CDH4: variants seen among roughly 807,000 people sequenced by gnomAD.
CDH4 encodes cadherin 4.
Under a neutral mutation model 86.0 loss-of-function variants are expected in CDH4, and 33 were observed. The observed-to-expected ratio is 0.38, with a 90% CI of 0.29 to 0.51. CDH4 has a LOEUF of 0.51. Among genes scored for constraint, CDH4 ranks in the 20% least tolerant of loss-of-function variants. CDH4 has a pLI of 0.86. For missense variants in CDH4, 1,114 were observed against 1,307.4 expected, an observed-to-expected ratio of 0.85 and a Z score of 2.28; for synonymous variants, 555 against 549.4, an observed-to-expected ratio of 1.01 and a Z score of -0.14.
chr20:61,312,093 T>C (rs1488534733), intron 2 of CDH4, among the ~76,000 whole-genome samples: 1 of 151,158 alleles, frequency 6.6e-6, no homozygotes, highest in African/African-American at 2.4e-5. Flanking sequence ...TATATGTATG[T>C]GCATGTGTGT....
chr20:61,909,836 T>C (rs2054829919), intron 8 of CDH4, among the ~76,000 whole-genome samples: 1 of 152,200 alleles, frequency 6.6e-6, no homozygotes, highest in African/African-American at 2.4e-5. Context: ...TGTGGCCATA[T>C]CTTCGGGGAC....
At chr20:61,912,826 G>A (rs1293553107) in intron 9 of CDH4, among the ~76,000 whole-genome samples, 1 of 152,230 alleles carries the variant, frequency 6.6e-6, no homozygotes, top group Non-Finnish European at 1.5e-5. Context: ...GAGGAAGGAT[G>A]TGGCAAACCC....
intron 2 of CDH4, among the ~76,000 whole-genome samples, chr20:61,389,532 G>C (rs2084969597): frequency 6.6e-6 from 1 of 152,194 alleles, no homozygotes; most frequent in East Asian, 1.9e-4. Context: ...GATTTGATTT[G>C]TATGATTGAA....
At chr20:61,538,469 C>T (rs1238836505) in intron 2 of CDH4, among the ~76,000 whole-genome samples, 2 of 152,208 alleles carry the variant, frequency 1.3e-5, no homozygotes, top group Non-Finnish European at 2.9e-5. Context: ...CCCAGGCCCC[C>T]ACTCCTGACC....
At chr20:61,588,370 G>A (rs2145728680) in intron 2 of CDH4, among the ~76,000 whole-genome samples, 1 of 152,350 alleles carries the variant, frequency 6.6e-6, no homozygotes, top group Non-Finnish European at 1.5e-5. Flanking sequence ...GAAGGTCTGG[G>A]CACAGCGGGA....
chr20:61,889,721 GGACA>G (rs764710881), intron 7 of CDH4, among the ~76,000 whole-genome samples: 28 of 149,058 alleles, frequency 1.9e-4, no homozygotes, highest in African/African-American at 6.5e-4. Context: ...ATGGATGGAT[GGACA>G]GACAGATGGA....
intron 2 of CDH4, among the ~76,000 whole-genome samples, chr20:61,329,170 A>G (rs2084554363): frequency 6.6e-6 from 1 of 152,236 alleles, no homozygotes; most frequent in African/African-American, 2.4e-5. Flanking sequence ...TTGTACCATC[A>G]TAAAGTCAAA....
chr20:61,647,534 C>T (rs79008644), intron 2 of CDH4, among the ~76,000 whole-genome samples: 33,381 of 70,872 alleles, frequency 0.47, 7,534 homozygotes, highest in Non-Finnish European at 0.52. Flanking sequence ...ATTCTCTCTC[C>T]CTCTCCCTCT....
At chr20:61,367,867 C>CTTTTTTT (rs372521090) in intron 2 of CDH4, among the ~76,000 whole-genome samples, 3 of 119,070 alleles carry the variant, frequency 2.5e-5, no homozygotes, top group Admixed American at 9.1e-5. Flanking sequence ...TCTCCAGGAT[C>CTTTTTTT]TTTTTTTTTT....
At position 61,265,637 on chromosome 20, in the gene CDH4, C is replaced by T. The variant is rs183847837; in HGVS notation, c.169+10700C>T. On this transcript the variant is annotated intron_variant, in intron 2 of 15. Transcript: ENST00000614565. ...TTAGTGGTTCCTTCTTTCAGCCTTA[C>T]ATGGACCTCAATGGTTCCTTCATTC... Among the ~76,000 whole-genome samples, 80 of 152,314 alleles carry T rather than the reference C, an allele frequency of 5.3e-4. 1 individual carries two copies. Among genetic ancestry groups the T allele is most frequent in the East Asian group, 3.3e-3 (17 of 5,188 alleles).
At chr20:61,687,157 A>C (rs531516770) in intron 2 of CDH4, among the ~76,000 whole-genome samples, 1 of 152,342 alleles carries the variant, frequency 6.6e-6, no homozygotes, top group African/African-American at 2.4e-5. Context: ...TTCGGTGTCC[A>C]CTGAAGCAAC....
intron 4 of CDH4, among the ~76,000 whole-genome samples, chr20:61,818,178 C>T (rs1980829617): frequency 6.6e-6 from 1 of 152,190 alleles, no homozygotes; most frequent in African/African-American, 2.4e-5. Flanking sequence ...TATAGGTACA[C>T]ACCACTACGC....
intron 15 of CDH4, 112 bp downstream of exon 15, chr20:61,934,332 G>A (rs2055153243): frequency 8.4e-7 from 1 of 1,187,876 alleles, no homozygotes; most frequent in African/African-American, 1.6e-5. Context: ...CCGTGGGTGG[G>A]AGGCAGCTCA....
intron 2 of CDH4, among the ~76,000 whole-genome samples, chr20:61,556,036 C>T (rs1056858862): frequency 1.3e-5 from 2 of 152,170 alleles, no homozygotes; most frequent in East Asian, 1.9e-4. Context: ...CTCCGGTGCA[C>T]CCCATGGTGG....
rs1455221786 is a variant in CDH4 at position 61,585,891 on chromosome 20, G to C, written c.170-157672G>C. 2.0e-5 allele frequency among the ~76,000 whole-genome samples: 3 copies of C among 151,570 alleles called. No homozygotes were observed. In the South Asian group the frequency reaches 6.3e-4, roughly 32 times the overall value. The stretch of plus-strand genomic sequence containing the variant: ...GATGATGGTGATGGTGATTATGATG[G>C]TGATGGTGCTGATTGTGGTGATGCG... On this transcript the variant is annotated intron_variant, in intron 2 of 15. Transcript: ENST00000614565.
intron 2 of CDH4, among the ~76,000 whole-genome samples, chr20:61,376,017 A>AGTGGGGTTTATTGATGGTAGTGTGATGGT (rs1568819345): frequency 2.9e-4 from 1 of 3,496 alleles, no homozygotes; most frequent in Non-Finnish European, 6.3e-4. Flanking sequence ...TGGTGGTGAT[A>AGTGGGGTTTATTGATGGTAGTGTGATGGT]CTGTGGTTTG....
At chr20:61,370,040 C>G (rs2084831639) in intron 2 of CDH4, 1 of 152,436 alleles carries the variant, frequency 6.6e-6, no homozygotes, top group Non-Finnish European at 1.5e-5. Context: ...GGGAAGGTTT[C>G]TGAGCCATGC....
chr20:61,601,678 C>T (rs941982860), intron 2 of CDH4, among the ~76,000 whole-genome samples: 1 of 152,222 alleles, frequency 6.6e-6, no homozygotes, highest in South Asian at 2.1e-4. Flanking sequence ...TCTGGCCTTT[C>T]CCTGGTCTCA....
At position 61,518,254 on chromosome 20, in the gene CDH4, A is replaced by G. The variant is rs2085838824; in HGVS notation, c.170-225309A>G. On this transcript the variant is annotated intron_variant, in intron 2 of 15. Transcript: ENST00000614565. The surrounding 1 kb of genome is among the most constrained non-coding windows in gnomAD (Gnocchi z 6.3). ...CCGTGCCTCTCCACAGGCTGACTGC[A>G]TGGTGGTGGTATAATTCCCACTATA... 6.6e-6 allele frequency among the ~76,000 whole-genome samples: 1 copy of G among 152,156 alleles called. No homozygotes were observed. The highest frequency in any genetic ancestry group is 2.4e-5 in the African/African-American group (1 of 41,450).
Sources: gnomAD v4.1 joint callset for allele counts (sites outside exome capture counted in the v4.1 genomes callset) on GRCh38, gnomAD v4.1.1 for gene constraint, Gnocchi (gnomAD v3.1) non-coding constraint, MANE v1.5 for transcripts, NCBI Gene and HGNC (gene_info 2026-07-23, HGNC 2026-07-21) for gene names.